Variants in KHDRBS2 observed in about 807,000 individuals in gnomAD.
KHDRBS2 encodes KH domain-containing, RNA-binding, signal transduction-associated protein 2.
In KHDRBS2, 26 loss-of-function variants were observed where a neutral mutation model predicts 44.3. The ratio of observed to expected loss-of-function variants is 0.59; its 90% CI spans 0.43 to 0.81. KHDRBS2 has a LOEUF of 0.81. Ranked by LOEUF, KHDRBS2 falls within the 40% of genes least tolerant of loss-of-function variation. KHDRBS2 has a pLI of 0.00. For synonymous variants in KHDRBS2, 194 were observed against 151.1 expected, an observed-to-expected ratio of 1.28 and a Z score of -2.08; for missense variants, 476 against 433.1, an observed-to-expected ratio of 1.10 and a Z score of -0.88.
chr6:61,741,459 A>C (rs1216648909), intron 6 of KHDRBS2, among the ~76,000 whole-genome samples: 1 of 151,982 alleles, frequency 6.6e-6, no homozygotes, highest in Non-Finnish European at 1.5e-5. Flanking sequence ...CAGTTCAGAT[A>C]ATTTTAAAAA....
In KHDRBS2 at chr6:61,955,459, CATAT is replaced by C. The variant is rs1562519779; in HGVS notation, c.483+22603_483+22606del. On this transcript the variant is annotated intron_variant, in intron 4 of 8. Transcript: ENST00000281156. ...GTATGTATACATATGTGTATATATA[CATAT>C]GTGTATATATACACATATGTATGTA... 9.5e-3 allele frequency among the ~76,000 whole-genome samples: 1,059 copies of C among 111,444 alleles called. 12 individuals are homozygous for C. The highest frequency in any genetic ancestry group is 0.015 in the African/African-American group (411 of 26,856). The allele number at this position is 111,444 out of a possible 152,430, so 73.1% of individuals were successfully genotyped here. A position where few individuals can be genotyped will look rare whatever the true frequency, so the allele number is the denominator to read the frequency against.
intron 4 of KHDRBS2, among the ~76,000 whole-genome samples, chr6:61,961,810 A>G (rs1251308403): frequency 1.3e-5 from 2 of 152,142 alleles, no homozygotes; most frequent in Non-Finnish European, 2.9e-5. Context: ...AGGCCATTAT[A>G]AATTCTATAG....
rs1809976268 is a variant in KHDRBS2, at chr6:61,931,183, G to A, written c.484-29812C>T. On this transcript the variant is annotated intron_variant, in intron 4 of 8. Transcript: ENST00000281156. ...AAAATACTACTTACGCATCTTCACT[G>A]AAAATCACTATAAGAAAATAGGGCT... 2.6e-5 allele frequency among the ~76,000 whole-genome samples: 4 copies of A among 151,878 alleles called. No individual in the cohort carries two copies. In the South Asian group the frequency reaches 8.3e-4, roughly 31 times the overall value.
At chr6:61,991,587 A>C (rs1302968518) in intron 3 of KHDRBS2, among the ~76,000 whole-genome samples, 2 of 152,216 alleles carry the variant, frequency 1.3e-5, no homozygotes, top group East Asian at 1.9e-4. Context: ...TCTGAGCCTT[A>C]TGATGTTGAA....
chr6:61,724,289 C>A (rs1276020700), intron 7 of KHDRBS2, among the ~76,000 whole-genome samples: 2 of 151,954 alleles, frequency 1.3e-5, no homozygotes, highest in African/African-American at 4.8e-5. Flanking sequence ...CACCACCAGG[C>A]CTATATCACA....
At chr6:62,221,295 TAC>T (rs1377514222) in intron 1 of KHDRBS2, among the ~76,000 whole-genome samples, 3 of 152,202 alleles carry the variant, frequency 2.0e-5, no homozygotes, top group Non-Finnish European at 4.4e-5. Flanking sequence ...AAACAGTGGT[TAC>T]TAGGATTAAG....
At chr6:61,869,960 G>A (rs980993355) in intron 6 of KHDRBS2, among the ~76,000 whole-genome samples, 6 of 80,420 alleles carry the variant, frequency 7.5e-5, no homozygotes, top group African/African-American at 3.6e-4. Context: ...CTAGCTGCAG[G>A]AGTGTTTTTT....
chr6:62,208,652 T>A (rs1828465629), intron 1 of KHDRBS2, among the ~76,000 whole-genome samples: 1 of 152,166 alleles, frequency 6.6e-6, no homozygotes, highest in Non-Finnish European at 1.5e-5. Flanking sequence ...TTTAAAAACC[T>A]CCATACTGTT....
At chr6:61,883,161 G>A (rs780703658) in intron 6 of KHDRBS2, among the ~76,000 whole-genome samples, 12 of 151,922 alleles carry the variant, frequency 7.9e-5, no homozygotes, top group African/African-American at 1.2e-4. Flanking sequence ...CTTAGGCCAT[G>A]TGTATGATCA....
chr6:62,122,861 A>C (rs1361864824), intron 2 of KHDRBS2, among the ~76,000 whole-genome samples: 2 of 148,650 alleles, frequency 1.3e-5, no homozygotes, highest in African/African-American at 5.0e-5. Flanking sequence ...AAAAGGTTTT[A>C]TTTTTTCAAT....
chr6:61,551,627 C>T, the KHDRBS2 span, among the ~76,000 whole-genome samples: 1 of 152,130 alleles, frequency 6.6e-6, no homozygotes, highest in African/African-American at 2.4e-5. Context: ...GGAATCCTTT[C>T]CCCATTGCTT....
intron 3 of KHDRBS2, among the ~76,000 whole-genome samples, chr6:61,983,652 T>C (rs1774435885): frequency 6.6e-6 from 1 of 152,090 alleles, no homozygotes; most frequent in African/African-American, 2.4e-5. Context: ...CCTATGTTAA[T>C]AAAAAACTCC....
At chr6:61,711,453 C>T (rs1186174010) in intron 7 of KHDRBS2, among the ~76,000 whole-genome samples, 1 of 151,586 alleles carries the variant, frequency 6.6e-6, no homozygotes, top group Non-Finnish European at 1.5e-5. Context: ...GATAAATGTG[C>T]ATTTCTAGGT....
intron 3 of KHDRBS2, among the ~76,000 whole-genome samples, chr6:62,005,876 C>G (rs1319233157): frequency 6.6e-6 from 1 of 151,682 alleles, no homozygotes; most frequent in African/African-American, 2.4e-5. Flanking sequence ...AATAGATTAA[C>G]CAATCTTGAG....
intron 1 of KHDRBS2, among the ~76,000 whole-genome samples, chr6:62,204,534 G>A (rs931352068): frequency 3.3e-5 from 5 of 152,204 alleles, no homozygotes; most frequent in East Asian, 1.9e-4. Context: ...TTCAGTGAGC[G>A]TTCTCTTTAA....
At chr6:61,750,058 G>A (rs976030227) in intron 6 of KHDRBS2, among the ~76,000 whole-genome samples, 10 of 152,084 alleles carry the variant, frequency 6.6e-5, no homozygotes, top group African/African-American at 2.4e-4. Flanking sequence ...AAGGATCACT[G>A]TGTGAAAAAG....
At chr6:62,190,512 G>A (rs1376578942) in intron 1 of KHDRBS2, among the ~76,000 whole-genome samples, 1 of 151,994 alleles carries the variant, frequency 6.6e-6, no homozygotes, top group African/African-American at 2.4e-5. Context: ...CTTTTGTTGA[G>A]GTCGTCTGCG....
intron 6 of KHDRBS2, among the ~76,000 whole-genome samples, chr6:61,757,508 C>T (rs1778666598): frequency 6.6e-6 from 1 of 151,868 alleles, no homozygotes; most frequent in Admixed American, 6.6e-5. Flanking sequence ...TACAGTTTGG[C>T]CTTTTAAAAT....
At chr6:61,712,239 G>A (rs1272884817) in intron 7 of KHDRBS2, among the ~76,000 whole-genome samples, 1 of 151,848 alleles carries the variant, frequency 6.6e-6, no homozygotes, top group Admixed American at 6.6e-5. Flanking sequence ...CCACTTTATT[G>A]AGAGGTACTG....
Sources: gnomAD v4.1 joint callset for allele counts (sites outside exome capture counted in the v4.1 genomes callset) on GRCh38, gnomAD v4.1.1 for gene constraint, MANE v1.5 for transcripts, NCBI Gene and HGNC (gene_info 2026-07-23, HGNC 2026-07-21) for gene names.